Variants in ADGRA3 observed in about 807,000 individuals in gnomAD.
The protein encoded by ADGRA3 is adhesion G protein-coupled receptor A3.
In ADGRA3, 56 loss-of-function variants were observed where a neutral mutation model predicts 119.8. The observed-to-expected ratio is 0.47, with a 90% confidence interval of 0.38 to 0.58. The LOEUF is 0.58. Ranked by LOEUF, ADGRA3 falls within the 20% of genes least tolerant of loss-of-function variation. The pLI is 0.00. For synonymous variants in ADGRA3, 607 were observed against 623.8 expected (o/e 0.97, Z 0.40); for missense variants, 1,516 against 1,649.0 (o/e 0.92, Z 1.40).
At chr4:22,399,533 G>T (rs1241528992) in intron 16 of ADGRA3, among the ~76,000 whole-genome samples, 1 of 149,954 alleles carries the variant, frequency 6.7e-6, no homozygotes, top group Admixed American at 6.7e-5. Context: ...TAAAGACCCA[G>T]TTTAATCTTT....
At chr4:22,441,350 C>T (rs1240354747) in intron 7 of ADGRA3, among the ~76,000 whole-genome samples, 2 of 152,144 alleles carry the variant, frequency 1.3e-5, no homozygotes, top group East Asian at 3.9e-4. Flanking sequence ...AAGCTAACTG[C>T]CTGACCAAAC....
At chr4:22,392,384 C>T (rs878925109) in intron 17 of ADGRA3, among the ~76,000 whole-genome samples, 161 bp downstream of exon 17, 1 of 152,160 alleles carries the variant, frequency 6.6e-6, no homozygotes, top group Admixed American at 6.5e-5. Flanking sequence ...TCTGAGGACT[C>T]GCAGCGGGAA....
At chr4:22,513,143 C>CTTT (rs142313161) in intron 1 of ADGRA3, among the ~76,000 whole-genome samples, 19 of 133,506 alleles carry the variant, frequency 1.4e-4, no homozygotes, top group African/African-American at 3.1e-4. Context: ...CAACTTTCCT[C>CTTT]TTTTTTTTTT....
rs144172018 is a variant in ADGRA3 at position 22,387,880 on chromosome 4, T to C, written c.3791A>G (p.Asp1264Gly). ...AACCACAGCTGGCTTCCTTAACGCA[T>C]CTTTTTTACTAGTGGTTGAAACTGG... ...EKPVSTTSKKDALRKPAVVEL... is the reference protein window; with the variant it reads ...EKPVSTTSKKGALRKPAVVEL... Residue 1264 changes from aspartate (D) to glycine (G), a missense_variant, in exon 19 of 19, where the codon GAT becomes GGT. Asp to Gly is a moderately conservative substitution (Grantham distance 94). Transcript: ENST00000334304. 1.2e-6 allele frequency: 2 copies of C among 1,614,172 alleles called. No individual in the cohort carries two copies. The highest frequency in any genetic ancestry group is 1.1e-5 in the South Asian group (1 of 91,086).
Position 22,413,707 on chromosome 4 carries a change from A to C in ADGRA3, c.1917T>G (p.Ile639Met). Residue 639 changes from isoleucine (I) to methionine (M), a missense_variant, in exon 13 of 19, where the codon ATT becomes ATG. Ile to Met is a conservative substitution (Grantham distance 10). Transcript: ENST00000334304. ...GAAAAAGCTTTCCATTGCGGAATGC[A>C]ATGAGTTGAAGCTTGTAAAGAGAGT... ...TDDSLYKLQLIAFRNGKLFPA... is the reference protein window; with the variant it reads ...TDDSLYKLQLMAFRNGKLFPA... 2.5e-6 allele frequency: 4 copies of C among 1,613,982 alleles called. No homozygotes were observed. The highest frequency in any genetic ancestry group is 3.4e-6 in the Non-Finnish European group (4 of 1,179,902).
At chr4:22,439,779 T>C (rs1716537346) in intron 7 of ADGRA3, among the ~76,000 whole-genome samples, 2 of 152,194 alleles carry the variant, frequency 1.3e-5, no homozygotes, top group South Asian at 4.1e-4. Flanking sequence ...ATTTCGTCAA[T>C]GAAAATCATT....
intron 16 of ADGRA3, among the ~76,000 whole-genome samples, chr4:22,400,715 A>G (rs1489057709): frequency 6.6e-6 from 1 of 152,116 alleles, no homozygotes; most frequent in Non-Finnish European, 1.5e-5. Flanking sequence ...CAGTTTTAAA[A>G]GCAAACAAAA....
chr4:22,473,821 A>T lies in ADGRA3; in HGVS notation c.280T>A (p.Ser94Thr). Residue 94 changes from serine (S) to threonine (T), a missense_variant, in exon 2 of 19, where the codon TCC becomes ACC. By Grantham distance (58) the Ser-to-Thr change is moderately conservative (BLOSUM62 1). Transcript: ENST00000334304. ...GAAAATGAGCCATTCTTCAGCTCGG[A>T]TATCTTATTGTTACTCAGAATCCTA... ...VTLILSNNKI[S>T]ELKNGSFSGL... 6.2e-7 allele frequency: 1 copy of T among 1,606,780 alleles called. No homozygotes were observed.
intron 7 of ADGRA3, among the ~76,000 whole-genome samples, chr4:22,441,589 C>T (rs777975514): frequency 1.3e-5 from 2 of 152,122 alleles, no homozygotes; most frequent in Admixed American, 6.6e-5. Flanking sequence ...TAGACTGTAC[C>T]TAGCCAGCTT....
chr4:22,505,572 G>A (rs750063144), intron 1 of ADGRA3, among the ~76,000 whole-genome samples: 10 of 151,700 alleles, frequency 6.6e-5, no homozygotes, highest in East Asian at 3.9e-4. Flanking sequence ...GTTTGAGCCC[G>A]GGAGACGGAG....
chr4:22,435,185 A>G, intron 10 of ADGRA3, 126 bp downstream of exon 10: 1 of 826,116 alleles, frequency 1.2e-6, no homozygotes, highest in South Asian at 2.0e-5. Flanking sequence ...AAATTCTGGA[A>G]ATTTAAAAGC....
chr4:22,428,068 C>T (rs537576563), intron 10 of ADGRA3, among the ~76,000 whole-genome samples: 2 of 152,148 alleles, frequency 1.3e-5, no homozygotes, highest in South Asian at 4.1e-4. Context: ...AAAATTAGGT[C>T]AAAAACATCT....
In ADGRA3 at chr4:22,402,755, C is replaced by T; in HGVS notation, c.2277G>A (p.Leu759=). Residue 759 remains leucine (L), a synonymous_variant, in exon 15 of 19, where the codon CTG becomes CTA. Coordinates refer to ENST00000334304, the MANE Select transcript of ADGRA3 (RefSeq NM_145290.4). ...TAGCGGTAGTATAAACCACAGGATG[C>T]AGGAGGCTGGCCGCCTGGGTGTATA... is the stretch of plus-strand genomic sequence containing the variant. ...SELYTQAASL[L]HPVVYTTAII... is the part of the protein sequence containing the mutation. The T allele has an allele frequency of 1.2e-6, 2 of 1,613,758 alleles. No individual in the cohort carries two copies. Among genetic ancestry groups the T allele is most frequent in the Non-Finnish European group, 1.7e-6 (2 of 1,179,764 alleles).
At chr4:22,478,821 A>C (rs749049031) in intron 1 of ADGRA3, among the ~76,000 whole-genome samples, 29 of 152,332 alleles carry the variant, frequency 1.9e-4, no homozygotes, top group Non-Finnish European at 2.8e-4. Context: ...AAGTTTAAGA[A>C]AAGCAGATTT....
intron 5 of ADGRA3, among the ~76,000 whole-genome samples, chr4:22,446,648 A>G (rs959618156): frequency 3.3e-5 from 5 of 152,096 alleles, no homozygotes; most frequent in Non-Finnish European, 7.4e-5. Context: ...GATTTAAATG[A>G]CGGGTGCAGG....
chr4:22,403,781 G>C (rs897559157), intron 14 of ADGRA3, among the ~76,000 whole-genome samples: 2 of 152,070 alleles, frequency 1.3e-5, no homozygotes, highest in African/African-American at 4.8e-5. Context: ...AGCAATAACA[G>C]CACGTCACTT....
chr4:22,439,603 T>C (rs537461326), intron 7 of ADGRA3, among the ~76,000 whole-genome samples: 1 of 152,340 alleles, frequency 6.6e-6, no homozygotes, highest in South Asian at 2.1e-4. Context: ...AAGACACTTT[T>C]ATATTATGAA....
At chr4:22,406,998 G>A (rs1192608486) in intron 14 of ADGRA3, among the ~76,000 whole-genome samples, 2 of 152,140 alleles carry the variant, frequency 1.3e-5, no homozygotes, top group African/African-American at 4.8e-5. Context: ...AAGGCCGGGC[G>A]CAGTGGCTAA....
intron 17 of ADGRA3, among the ~76,000 whole-genome samples, chr4:22,391,195 C>A (rs114500738): frequency 6.6e-6 from 1 of 152,116 alleles, no homozygotes. Context: ...ATGTCTCCTG[C>A]TCCTCCTAGA....
Sources: gnomAD v4.1 joint callset for allele counts (sites outside exome capture counted in the v4.1 genomes callset) on GRCh38, gnomAD v4.1.1 for gene constraint, MANE v1.5 for transcripts, NCBI Gene and HGNC (gene_info 2026-07-23, HGNC 2026-07-21) for gene names.